The following ERBB4 variants were observed in gnomAD, a reference collection of about 807,000 sequenced individuals.
ERBB4 encodes receptor tyrosine-protein kinase erbB-4.
In ERBB4, 42 loss-of-function variants were observed where a neutral mutation model predicts 158.0. That is an observed-to-expected ratio of 0.27 (90% CI 0.21 to 0.34). ERBB4 has a LOEUF of 0.34. Ranked by LOEUF, ERBB4 falls within the 10% of genes least tolerant of loss-of-function variation. ERBB4 has a pLI of 1.00. For missense variants in ERBB4, 1,333 were observed against 1,624.1 expected, an observed-to-expected ratio of 0.82 and a Z score of 3.08; for synonymous variants, 583 against 558.7, an observed-to-expected ratio of 1.04 and a Z score of -0.61.
intron 1 of ERBB4, among the ~76,000 whole-genome samples, chr2:212,331,640 A>G (rs1282210341): frequency 3.3e-5 from 5 of 152,016 alleles, no homozygotes; most frequent in Non-Finnish European, 4.4e-5. Flanking sequence ...CCAAACTCAA[A>G]TTATTATCAA....
intron 1 of ERBB4, among the ~76,000 whole-genome samples, chr2:212,207,353 T>G (rs2082794511): frequency 6.6e-6 from 1 of 152,192 alleles, no homozygotes; most frequent in South Asian, 2.1e-4. Flanking sequence ...TTTCAAATAA[T>G]GGAATTATCT....
intron 20 of ERBB4, among the ~76,000 whole-genome samples, chr2:211,450,724 T>C (rs550468936): frequency 1.3e-5 from 2 of 152,234 alleles, no homozygotes; most frequent in East Asian, 3.9e-4. Flanking sequence ...GGAGAGGCCT[T>C]CTCCAACTGT....
At chr2:212,337,749 T>C (rs1051639778) in intron 1 of ERBB4, among the ~76,000 whole-genome samples, 12 of 152,124 alleles carry the variant, frequency 7.9e-5, no homozygotes, top group Non-Finnish European at 1.8e-4. Flanking sequence ...AATCCACTCT[T>C]GCTACTTAAA....
At chr2:211,470,955 T>C (rs556992847) in intron 20 of ERBB4, among the ~76,000 whole-genome samples, 4 of 152,296 alleles carry the variant, frequency 2.6e-5, no homozygotes, top group South Asian at 2.1e-4. Context: ...CTTCAACCAT[T>C]TGGACAAACA....
chr2:211,861,058 T>G (rs2078013155), intron 3 of ERBB4, among the ~76,000 whole-genome samples: 1 of 57,144 alleles, frequency 1.7e-5, no homozygotes, highest in Non-Finnish European at 3.1e-5. Flanking sequence ...TTTATATATA[T>G]ATAAATATAA....
intron 25 of ERBB4, among the ~76,000 whole-genome samples, chr2:211,402,179 C>A (rs2063058013): frequency 6.6e-6 from 1 of 151,936 alleles, no homozygotes; most frequent in Non-Finnish European, 1.5e-5. Context: ...CTTTTAGAAA[C>A]CCTATCTAAT....
At chr2:212,289,763 T>C (rs538963041) in intron 1 of ERBB4, among the ~76,000 whole-genome samples, 148 of 152,266 alleles carry the variant, frequency 9.7e-4, no homozygotes, top group Non-Finnish European at 1.7e-3. Flanking sequence ...TTATTGGGGC[T>C]TTTTTGTTCC....
intron 2 of ERBB4, among the ~76,000 whole-genome samples, chr2:212,038,786 A>G (rs2077073061): frequency 6.6e-6 from 1 of 152,170 alleles, no homozygotes; most frequent in Admixed American, 6.6e-5. Flanking sequence ...GAGCAACAGA[A>G]GAATATGTTG....
chr2:211,767,159 T>C (rs1400331021), intron 4 of ERBB4, among the ~76,000 whole-genome samples: 1 of 152,222 alleles, frequency 6.6e-6, no homozygotes, highest in East Asian at 1.9e-4. Context: ...TGTGCTTTTA[T>C]TTTATTGCTT....
At chr2:211,512,944 A>C (rs1233786189) in intron 20 of ERBB4, among the ~76,000 whole-genome samples, 1 of 152,098 alleles carries the variant, frequency 6.6e-6, no homozygotes, top group Non-Finnish European at 1.5e-5. Context: ...ATTGACTGGA[A>C]AACAAGTTTT....
intron 1 of ERBB4, among the ~76,000 whole-genome samples, chr2:212,320,701 T>C (rs1163698951): frequency 6.7e-6 from 1 of 150,046 alleles, no homozygotes; most frequent in Non-Finnish European, 1.5e-5. Context: ...CTATCATTCT[T>C]ATACTTTACT....
intron 1 of ERBB4, among the ~76,000 whole-genome samples, chr2:212,237,493 C>A (rs546259638): frequency 6.6e-6 from 1 of 152,268 alleles, no homozygotes; most frequent in South Asian, 2.1e-4. Context: ...AGTTGGAGCA[C>A]TCCTGTATGA....
At chr2:212,264,566 T>C (rs1462195343) in intron 1 of ERBB4, among the ~76,000 whole-genome samples, 1 of 152,088 alleles carries the variant, frequency 6.6e-6, no homozygotes, top group East Asian at 1.9e-4. Flanking sequence ...GTCAAAATTA[T>C]CAAGATAGGT....
chr2:211,622,984 A>AT (rs2069665868), intron 18 of ERBB4, among the ~76,000 whole-genome samples: 1 of 49,756 alleles, frequency 2.0e-5, no homozygotes, highest in African/African-American at 9.2e-5. Flanking sequence ...AAAAAAAAAA[A>AT]AAAAAAATAT....
At chr2:212,040,202 A>T (rs566586681) in intron 2 of ERBB4, among the ~76,000 whole-genome samples, 49 of 152,080 alleles carry the variant, frequency 3.2e-4, no homozygotes, top group Non-Finnish European at 6.2e-4. Context: ...TTTTTGCTTT[A>T]ATTTTACTTT....
At chr2:212,442,662 C>T (rs1204587195) in intron 1 of ERBB4, among the ~76,000 whole-genome samples, 1 of 152,040 alleles carries the variant, frequency 6.6e-6, no homozygotes, top group Non-Finnish European at 1.5e-5. Context: ...GTCAATTTTC[C>T]CCAGTGCCAG....
At chr2:212,398,456 C>T (rs1019834781) in intron 1 of ERBB4, among the ~76,000 whole-genome samples, 2 of 152,040 alleles carry the variant, frequency 1.3e-5, no homozygotes, top group Non-Finnish European at 2.9e-5. Context: ...TATACAAGAT[C>T]AATAGTTCAT....
intron 2 of ERBB4, among the ~76,000 whole-genome samples, chr2:211,995,745 A>C (rs1445955053): frequency 6.6e-6 from 1 of 152,120 alleles, no homozygotes. Context: ...GTCCCTCCTT[A>C]CACACCCAGT....
chr2:211,517,263 ATATCCT>A (rs1256946123), intron 20 of ERBB4, among the ~76,000 whole-genome samples: 1 of 152,140 alleles, frequency 6.6e-6, no homozygotes, highest in African/African-American at 2.4e-5. Context: ...ATAAGACTAA[ATATCCT>A]TATCTGAAAT....
Sources: gnomAD v4.1 joint callset for allele counts (sites outside exome capture counted in the v4.1 genomes callset) on GRCh38, gnomAD v4.1.1 for gene constraint, MANE v1.5 for transcripts, NCBI Gene and HGNC (gene_info 2026-07-23, HGNC 2026-07-21) for gene names.